Variants in TBC1D12 observed in about 807,000 individuals in gnomAD.
TBC1D12 encodes TBC1 domain family, member 12.
TBC1D12 carries 56 observed loss-of-function variants against 86.7 expected under a neutral mutation model. The ratio of observed to expected loss-of-function variants is 0.65; its 90% CI spans 0.52 to 0.81. TBC1D12 has a LOEUF of 0.81. TBC1D12 is among the 30% of genes least tolerant of loss of function. The pLI, the probability that TBC1D12 is intolerant of heterozygous loss-of-function variation, is 0.00. For synonymous variants in TBC1D12, 421 were observed against 411.7 expected, an observed-to-expected ratio of 1.02 and a Z score of -0.27; for missense variants, 1,023 against 1,038.8, an observed-to-expected ratio of 0.98 and a Z score of 0.21.
intron 3 of TBC1D12, among the ~76,000 whole-genome samples, chr10:94,486,795 G>A (rs1434736479): frequency 6.6e-6 from 1 of 152,172 alleles, no homozygotes; most frequent in African/African-American, 2.4e-5. Flanking sequence ...GCCATTGGAT[G>A]AAGTATTTTG....
intron 6 of TBC1D12, among the ~76,000 whole-genome samples, chr10:94,503,131 A>G (rs2071866240): frequency 6.6e-6 from 1 of 152,228 alleles, no homozygotes; most frequent in Non-Finnish European, 1.5e-5. Context: ...TCTCATATGT[A>G]CTACAGCTAC....
chr10:94,526,200 AGCAGGCTGACT>A (rs1564993348), intron 11 of TBC1D12, among the ~76,000 whole-genome samples: 1 of 152,130 alleles, frequency 6.6e-6, no homozygotes, highest in Non-Finnish European at 1.5e-5. Context: ...GGGAGGCTGC[AGCAGGCTGACT>A]GCTTGAGCTC....
At chr10:94,495,510 A>G (rs534707984) in intron 4 of TBC1D12, among the ~76,000 whole-genome samples, 74 of 152,252 alleles carry the variant, frequency 4.9e-4, no homozygotes, top group Admixed American at 1.3e-3. Context: ...TTACTATATG[A>G]TTACTATGTA....
chr10:94,527,908 C>A (rs1842336206), intron 11 of TBC1D12, among the ~76,000 whole-genome samples: 1 of 152,042 alleles, frequency 6.6e-6, no homozygotes, highest in South Asian at 2.1e-4. Context: ...CTTCTGGGTT[C>A]TCTATTCTGT....
chr10:94,503,419 G>C (rs1350414074), intron 6 of TBC1D12, among the ~76,000 whole-genome samples: 1 of 152,112 alleles, frequency 6.6e-6, no homozygotes, highest in Non-Finnish European at 1.5e-5. Flanking sequence ...GAAATAGCCA[G>C]GATTGGATGC....
intron 2 of TBC1D12, among the ~76,000 whole-genome samples, chr10:94,451,702 T>G (rs1434305248): frequency 6.6e-6 from 1 of 152,158 alleles, no homozygotes; most frequent in Non-Finnish European, 1.5e-5. Flanking sequence ...TAGTTTTTGC[T>G]AACAGGTGAT....
At chr10:94,489,078 C>T (rs907184432) in intron 3 of TBC1D12, among the ~76,000 whole-genome samples, 1 of 152,144 alleles carries the variant, frequency 6.6e-6, no homozygotes, top group Admixed American at 6.5e-5. Flanking sequence ...TCAGGACCTG[C>T]CTAAGAATTG....
At chr10:94,490,229 T>G (rs889152119) in intron 3 of TBC1D12, among the ~76,000 whole-genome samples, 10 of 151,414 alleles carry the variant, frequency 6.6e-5, no homozygotes, top group African/African-American at 2.4e-4. Flanking sequence ...CACTCCAGCC[T>G]AGGTGACAAG....
chr10:94,526,570 C>G (rs1191538233), intron 11 of TBC1D12, among the ~76,000 whole-genome samples: 3 of 152,208 alleles, frequency 2.0e-5, no homozygotes, highest in East Asian at 1.9e-4. Context: ...GGATTTCATT[C>G]TTTTTTGTGG....
At position 94,522,049 on chromosome 10, in the gene TBC1D12, G is replaced by A; in HGVS notation, c.1856G>A (p.Cys619Tyr). 1.9e-6 allele frequency: 3 copies of A among 1,612,796 alleles called. No homozygotes were observed. Among genetic ancestry groups the A allele is most frequent in the Non-Finnish European group, 2.5e-6 (3 of 1,179,166 alleles). The change falls in exon 10 of 13, where the codon TGC becomes TAC. Residue 619 changes from cysteine to tyrosine, a missense_variant. Cys to Tyr is a radical substitution (Grantham distance 194). Transcript: ENST00000225235. Reference sequence around the variant, plus strand: ...TTTGCCAATCTCCTGAATAAGCCATGCCAGTTGGCCTTTTTTCGTGTGGAT... The same window carrying A: ...TTTGCCAATCTCCTGAATAAGCCATACCAGTTGGCCTTTTTTCGTGTGGAT... ...IAFANLLNKPCQLAFFRVDHS... is the reference protein window; with the variant it reads ...IAFANLLNKPYQLAFFRVDHS...
chr10:94,436,956 T>A (rs1357929973), intron 1 of TBC1D12, among the ~76,000 whole-genome samples: 4 of 152,174 alleles, frequency 2.6e-5, no homozygotes, highest in African/African-American at 9.7e-5. Flanking sequence ...TCTACCTGCC[T>A]TGGCCTCCCA....
At chr10:94,514,460 CTT>C (rs1264922921) in intron 9 of TBC1D12, among the ~76,000 whole-genome samples, 2 of 152,322 alleles carry the variant, frequency 1.3e-5, no homozygotes, top group East Asian at 1.9e-4. Context: ...CTATTCTACT[CTT>C]TGCTTCTATG....
rs1042019686 is a variant in TBC1D12 at position 94,447,518 on chromosome 10, C to T, written c.1095+5499C>T. ...GTTAACAGTAAAGAAACATAAAAAA[C>T]GTTTTAGGATTATAGCAAAATCAAA... On this transcript the variant is annotated intron_variant, in intron 2 of 12. Coordinates refer to ENST00000225235, the MANE Select transcript of TBC1D12 (RefSeq NM_015188.2). 48 of 702,560 alleles carry T rather than the reference C, an allele frequency of 6.8e-5. 2 individuals carry two copies. The East Asian group carries it at 8.0e-4, about 12-fold the overall frequency. The allele number at this position is 702,560 out of a possible 1,614,324, so 43.5% of individuals were successfully genotyped here.
intron 1 of TBC1D12, among the ~76,000 whole-genome samples, chr10:94,405,984 T>C (rs2134042853): frequency 6.6e-6 from 1 of 152,038 alleles, no homozygotes; most frequent in Non-Finnish European, 1.5e-5. Context: ...CTAATTTTTG[T>C]ATTTTTGGTA....
rs952180960 is a variant in TBC1D12, at chr10:94,435,774, T to C, written c.972-6122T>C. 8.5e-5 allele frequency among the ~76,000 whole-genome samples: 13 copies of C among 152,332 alleles called. 1 individual carries two copies. Among genetic ancestry groups the C allele is most frequent in the Admixed American group, 6.5e-4 (10 of 15,296 alleles). The stretch of plus-strand genomic sequence containing the variant: ...TTTCCCTGTGAGATTAGAAGAAAAA[T>C]TCTCCTGTGTTTCTTTCTAAAGCTT... On this transcript the variant is annotated intron_variant, in intron 1 of 12. Transcript: ENST00000225235.
chr10:94,407,308 T>C (rs950007302), intron 1 of TBC1D12, among the ~76,000 whole-genome samples: 1 of 152,220 alleles, frequency 6.6e-6, no homozygotes, highest in Non-Finnish European at 1.5e-5. Context: ...CATGGACACC[T>C]TTCTGTGTTT....
chr10:94,512,431 A>G (rs999254726), intron 9 of TBC1D12, among the ~76,000 whole-genome samples: 4 of 152,190 alleles, frequency 2.6e-5, no homozygotes, highest in African/African-American at 9.7e-5. Context: ...AGACCTCTCT[A>G]TAGGGTGGCT....
intron 2 of TBC1D12, among the ~76,000 whole-genome samples, chr10:94,461,200 T>TA (rs1564958102): frequency 6.6e-6 from 1 of 152,172 alleles, no homozygotes; most frequent in Non-Finnish European, 1.5e-5. Context: ...AGTAAGGTAG[T>TA]GGTAAGGTGT....
At chr10:94,525,993 A>G (rs11188002) in intron 11 of TBC1D12, among the ~76,000 whole-genome samples, 3,511 of 152,296 alleles carry the variant, frequency 0.023, 133 homozygotes, top group African/African-American at 0.077. Context: ...TATGTTAACT[A>G]TAGTTACCCT....
Sources: gnomAD v4.1 joint callset for allele counts (sites outside exome capture counted in the v4.1 genomes callset) on GRCh38, gnomAD v4.1.1 for gene constraint, MANE v1.5 for transcripts, NCBI Gene and HGNC (gene_info 2026-07-23, HGNC 2026-07-21) for gene names.